PLEKHM2: variants seen among roughly 807,000 people sequenced by gnomAD.
PLEKHM2 encodes pleckstrin homology domain-containing family M member 2.
PLEKHM2 carries 77 observed loss-of-function variants against 116.3 expected under a neutral mutation model. The observed-to-expected ratio is 0.66, with a 90% CI of 0.55 to 0.80. The LOEUF (loss-of-function observed/expected upper bound fraction) is 0.80, where lower values mean the gene tolerates loss of function less well. Among genes scored for constraint, PLEKHM2 ranks in the 30% least tolerant of loss-of-function variants. The pLI is 0.00. For missense variants in PLEKHM2, 1,183 were observed against 1,354.9 expected (o/e 0.87, Z 1.99); for synonymous variants, 562 against 571.0 (o/e 0.98, Z 0.22).
At chr1:15,713,268 A>C (rs11808401) in intron 1 of PLEKHM2, among the ~76,000 whole-genome samples, 8 of 151,188 alleles carry the variant, frequency 5.3e-5, no homozygotes, top group Non-Finnish European at 1.2e-4. Flanking sequence ...TTTTTTTCTT[A>C]TTTCTTTCTT....
At chr1:15,725,190 C>T (rs1262776967) in intron 7 of PLEKHM2, 127 bp from the exon 8 acceptor site, 3 of 661,446 alleles carry the variant, frequency 4.5e-6, no homozygotes, top group African/African-American at 1.8e-5. Context: ...GAAATGGGGC[C>T]ACCCCTGTCA....
chr1:15,684,689 C>T (rs1640727744), intron 1 of PLEKHM2, 71 bp downstream of exon 1: 2 of 873,766 alleles, frequency 2.3e-6, no homozygotes, highest in East Asian at 9.1e-5. Context: ...GCGGCGCTCT[C>T]CCGGGCCGGG....
At chr1:15,702,221 C>T (rs1350805132) in intron 1 of PLEKHM2, among the ~76,000 whole-genome samples, 1 of 152,130 alleles carries the variant, frequency 6.6e-6, no homozygotes, top group Non-Finnish European at 1.5e-5. Context: ...TGGGACGCGT[C>T]CTCACCCACC....
At chr1:15,731,784 G>A (rs1007668628) in intron 16 of PLEKHM2, 105 bp from the exon 17 acceptor site, 24 of 950,372 alleles carry the variant, frequency 2.5e-5, no homozygotes, top group Middle Eastern at 3.3e-4. Context: ...CCCCCAAGAC[G>A]GTGGGGCAGA....
At chr1:15,689,674 T>G (rs1640849188) in intron 1 of PLEKHM2, among the ~76,000 whole-genome samples, 1 of 152,220 alleles carries the variant, frequency 6.6e-6, no homozygotes, top group Non-Finnish European at 1.5e-5. Context: ...CAGGCCTAAA[T>G]AAAAGCCACC....
Position 15,728,546 on chromosome 1 carries a change from C to A in PLEKHM2, c.1922-123C>A. 9.8e-7 allele frequency: 1 copy of A among 1,022,030 alleles called. No homozygotes were observed. The highest frequency in any genetic ancestry group is 1.5e-6 in the Non-Finnish European group (1 of 675,396). 63.3% of individuals were successfully genotyped at this position (1,022,030 alleles called of 1,614,324 possible). A position where few individuals can be genotyped will look rare whatever the true frequency, so the allele number is the denominator to read the frequency against. ...GGGCTCCCTCTGTGAGCACTCCACG[C>A]CATTCTCCTACTGCAGGGCAAGGAG... On this transcript the variant is annotated intron_variant, in intron 11 of 19. Transcript: ENST00000375799. This position sits in a 1 kb window ranked among gnomAD's most constrained non-coding sequence, Gnocchi z 5.9.
chr1:15,697,345 A>C (rs1034614692), intron 1 of PLEKHM2, among the ~76,000 whole-genome samples: 2 of 152,188 alleles, frequency 1.3e-5, no homozygotes, highest in African/African-American at 4.8e-5. Flanking sequence ...CCCTTGGCAG[A>C]ACCTCTTAGC....
At chr1:15,682,155 C>T (rs1409350459), upstream of PLEKHM2, among the ~76,000 whole-genome samples, 1 of 151,890 alleles carries the variant, frequency 6.6e-6, no homozygotes, top group African/African-American at 2.4e-5. Context: ...TCACACCCAC[C>T]ACTGCACTCC....
At position 15,689,533 on chromosome 1, in the gene PLEKHM2, A is replaced by G. The variant is rs1165060565; in HGVS notation, c.60+4915A>G. ...CTTGGGTCTGGGTTTGTAACTGACC[A>G]TCTCGATCCTGGCAGATGACTGGAC... is the stretch of plus-strand genomic sequence containing the variant. On this transcript the variant is annotated intron_variant, in intron 1 of 19. Coordinates refer to ENST00000375799, the MANE Select transcript of PLEKHM2 (RefSeq NM_015164.4). 2.0e-5 allele frequency among the ~76,000 whole-genome samples: 3 copies of G among 152,216 alleles called. No homozygotes were observed. In the East Asian group the frequency reaches 5.8e-4, roughly 29 times the overall value.
At chr1:15,693,892 TG>T (rs1640937642) in intron 1 of PLEKHM2, among the ~76,000 whole-genome samples, 1 of 152,196 alleles carries the variant, frequency 6.6e-6, no homozygotes, top group African/African-American at 2.4e-5. Context: ...GGCTCCTGGC[TG>T]GGTCATTCCT....
Position 15,727,005 on chromosome 1 carries a change from C to T in PLEKHM2, c.942-9C>T, listed in dbSNP as rs1345635784. 1.4e-6 allele frequency: 2 copies of T among 1,456,162 alleles called. No homozygotes were observed. The highest frequency in any genetic ancestry group is 3.0e-5 in the South Asian group (2 of 67,096). The allele number at this position is 1,456,162 out of a possible 1,614,324, so 90.2% of individuals were successfully genotyped here. A position where few individuals can be genotyped will look rare whatever the true frequency, so the allele number is the denominator to read the frequency against. On this transcript the variant is annotated splice_polypyrimidine_tract_variant and intron_variant, in intron 8 of 19. Coordinates refer to ENST00000375799, the MANE Select transcript of PLEKHM2 (RefSeq NM_015164.4). This position sits in a 1 kb window ranked among gnomAD's most constrained non-coding sequence, Gnocchi z 7.5. Reference sequence around the variant, plus strand: ...GGGGTTAACACTCTCCCCGTCGTTACTGTCCCAGGGTCACCAAGAAGAAGA... The same window carrying T: ...GGGGTTAACACTCTCCCCGTCGTTATTGTCCCAGGGTCACCAAGAAGAAGA...
chr1:15,682,433 A>G (rs1640664373), upstream of PLEKHM2, among the ~76,000 whole-genome samples: 1 of 148,894 alleles, frequency 6.7e-6, no homozygotes, highest in Admixed American at 6.8e-5. Context: ...CCTGGGTGAC[A>G]GAGCGAGACT....
At chr1:15,688,743 C>G (rs978662376) in intron 1 of PLEKHM2, among the ~76,000 whole-genome samples, 5 of 151,984 alleles carry the variant, frequency 3.3e-5, no homozygotes, top group African/African-American at 1.2e-4. Context: ...ATCCCAGATG[C>G]TGCCAGTAAA....
chr1:15,729,255 G>T lies in PLEKHM2; in HGVS notation c.2075+65G>T. On this transcript the variant is annotated intron_variant, in intron 13 of 19. Coordinates refer to ENST00000375799, the MANE Select transcript of PLEKHM2 (RefSeq NM_015164.4). This position sits in a 1 kb window ranked among gnomAD's most constrained non-coding sequence, Gnocchi z 4.7. ...TCGCAGCCGCCCATAGGTGTGGGTGGCCTGGGGGTCAGGGGTGGAGGTGGA... is the reference window on the plus strand; with the variant it reads ...TCGCAGCCGCCCATAGGTGTGGGTGTCCTGGGGGTCAGGGGTGGAGGTGGA... 1 of 1,392,426 alleles carries T rather than the reference G, an allele frequency of 7.2e-7. No individual in the cohort carries two copies. The highest frequency in any genetic ancestry group is 1.2e-5 in the South Asian group (1 of 81,916). 86.3% of individuals were successfully genotyped at this position (1,392,426 alleles called of 1,614,324 possible).
chr1:15,718,538 G>A lies in PLEKHM2; in HGVS notation c.378G>A (p.Lys126=). 1 of 1,561,910 alleles carries A rather than the reference G, an allele frequency of 6.4e-7. No homozygotes were observed. Among genetic ancestry groups the A allele is most frequent in the Non-Finnish European group, 8.7e-7 (1 of 1,149,212 alleles). The change falls in exon 5 of 20, where the codon AAG becomes AAA. Residue 126 remains lysine, a splice_region_variant and synonymous_variant. Transcript: ENST00000375799. ...NLGLLHKYYV[K]NALVCSHDHL... The stretch of plus-strand genomic sequence containing the variant: ...CATCGTGGCTTCTCATGTCTTGCAG[G>A]AATGCCCTGGTCTGCAGCCACGATC...
chr1:15,714,591 C>A (rs1396999314), intron 1 of PLEKHM2, among the ~76,000 whole-genome samples: 1 of 151,970 alleles, frequency 6.6e-6, no homozygotes, highest in African/African-American at 2.4e-5. Context: ...AGGCTTGTTC[C>A]GGGCTGCAGA....
chr1:15,727,610 C>A lies in PLEKHM2; in HGVS notation c.1538C>A (p.Thr513Lys). 1 of 1,584,674 alleles carries A rather than the reference C, an allele frequency of 6.3e-7. No individual in the cohort carries two copies. The highest frequency in any genetic ancestry group is 1.3e-5 in the African/African-American group (1 of 74,258). ...GAGGGAGGAGGAGGAGAGGGACAGACGCCTCGGCCCCTAGAGGATACCACG... is the reference window on the plus strand; with the variant it reads ...GAGGGAGGAGGAGGAGAGGGACAGAAGCCTCGGCCCCTAGAGGATACCACG... Reference protein sequence around the residue: ...EEEGGGGEGQTPRPLEDTTRE... With the variant: ...EEEGGGGEGQKPRPLEDTTRE... The change falls in exon 9 of 20, where the codon ACG (threonine) becomes AAG (lysine). Residue 513 changes from threonine (T) to lysine (K), a missense_variant. Thr to Lys is a moderately conservative substitution (Grantham distance 78, BLOSUM62 -1). Around this residue, in one of 3 missense-constraint regions of PLEKHM2, gnomAD observed 594 missense variants for 720.1 expected, o/e 0.82. Coordinates refer to ENST00000375799, the MANE Select transcript of PLEKHM2 (RefSeq NM_015164.4). This position sits in a 1 kb window ranked among gnomAD's most constrained non-coding sequence, Gnocchi z 7.5.
chr1:15,733,303 A>C (rs1035675328), intron 19 of PLEKHM2, among the ~76,000 whole-genome samples: 1 of 152,262 alleles, frequency 6.6e-6, no homozygotes, highest in African/African-American at 2.4e-5. Flanking sequence ...AGTTCCAATC[A>C]AACAGCACGA....
At position 15,731,919 on chromosome 1, in the gene PLEKHM2, C is replaced by T. The variant is rs192032597; in HGVS notation, c.2496C>T (p.Ala832=). The change falls in exon 17 of 20, where the codon GCC becomes GCT. Residue 832 remains alanine, a synonymous_variant. Transcript: ENST00000375799. ...AGCAGTGCGGTGGCTGCCGGAGAGC[C>T]AACACCACGGATCGGCCCCACGCCT... ...GGEQCGGCRR[A]NTTDRPHAFQ... The T allele has an allele frequency of 6.2e-7, 1 of 1,611,452 alleles. No homozygotes were observed. The highest frequency in any genetic ancestry group is 2.2e-5 in the East Asian group (1 of 44,856).
Sources: allele counts gnomAD v4.1 joint callset (sites outside exome capture counted in the v4.1 genomes callset), GRCh38; gene constraint gnomAD v4.1.1; regional missense constraint gnomAD v4.1.1; non-coding constraint Gnocchi (gnomAD v3.1); transcripts MANE v1.5; gene names NCBI Gene and HGNC (gene_info 2026-07-23, HGNC 2026-07-21).